DPP6: variants seen among roughly 807,000 people sequenced by gnomAD.
DPP6 encodes the protein A-type potassium channel modulatory protein DPP6.
Under a neutral mutation model 122.6 loss-of-function variants are expected in DPP6, and 69 were observed. That is an observed-to-expected ratio of 0.56 (90% CI 0.46 to 0.69). The LOEUF is 0.69. Among genes scored for constraint, DPP6 ranks in the 30% least tolerant of loss-of-function variants. The pLI is 0.00. For missense variants in DPP6, 928 were observed against 1,116.9 expected (o/e 0.83, Z 2.41); for synonymous variants, 418 against 433.1 (o/e 0.97, Z 0.43).
chr7:154,860,851 G>A (rs1214481108), intron 17 of DPP6, among the ~76,000 whole-genome samples: 4 of 152,228 alleles, frequency 2.6e-5, no homozygotes, highest in East Asian at 1.9e-4. Flanking sequence ...CATCACAGCC[G>A]TGGAGCCACC....
intron 10 of DPP6, among the ~76,000 whole-genome samples, chr7:154,780,766 A>G (rs1464538998): frequency 6.6e-6 from 1 of 152,218 alleles, no homozygotes; most frequent in Non-Finnish European, 1.5e-5. Flanking sequence ...CATGTTTTTA[A>G]ATGTGTTAAC....
intron 1 of DPP6, among the ~76,000 whole-genome samples, chr7:154,206,349 C>A (rs890582536): frequency 6.6e-6 from 1 of 152,228 alleles, no homozygotes; most frequent in African/African-American, 2.4e-5. Flanking sequence ...TGTGCACCAC[C>A]CATTCCCCTT....
In DPP6 at chr7:154,681,160, G is replaced by C. The variant is rs994560202; in HGVS notation, c.762+11719G>C. 1.6e-4 allele frequency among the ~76,000 whole-genome samples: 25 copies of C among 152,106 alleles called. 1 individual carries two copies. The highest frequency in any genetic ancestry group is 1.6e-3 in the Admixed American group (25 of 15,280). ...TAAGCCAGAACAAAATTAAGGAAAA[G>C]GTGGATGCAGGGTTAAAACCGGGCC... On this transcript the variant is annotated intron_variant, in intron 7 of 25. Coordinates refer to ENST00000377770, the MANE Select transcript of DPP6 (RefSeq NM_130797.4).
chr7:153,901,131 A>G (rs567375017), intron 1 of DPP6, among the ~76,000 whole-genome samples: 2 of 151,972 alleles, frequency 1.3e-5, no homozygotes, highest in Non-Finnish European at 2.9e-5. Context: ...TTCTTCTTCT[A>G]TATATATATA....
intron 1 of DPP6, among the ~76,000 whole-genome samples, chr7:154,082,846 C>CTTTCTT (rs1260484862): frequency 0.049 from 5,159 of 106,172 alleles, 351 homozygotes; most frequent in Middle Eastern, 0.09. Context: ...TTTTCTTTTT[C>CTTTCTT]TTTTTTTTTT....
intron 1 of DPP6, among the ~76,000 whole-genome samples, chr7:154,114,724 A>C (rs997528854): frequency 2.6e-5 from 4 of 152,156 alleles, no homozygotes; most frequent in African/African-American, 9.7e-5. Flanking sequence ...TTAATCTTCC[A>C]CCTCAGTCAA....
At chr7:154,600,231 G>T (rs148353025) in intron 5 of DPP6, among the ~76,000 whole-genome samples, 15 of 126,786 alleles carry the variant, frequency 1.2e-4, no homozygotes, top group African/African-American at 3.7e-4. Context: ...GGGTTCAAGC[G>T]ATTCTCCTGA....
intron 5 of DPP6, among the ~76,000 whole-genome samples, chr7:154,623,244 C>T (rs988537050): frequency 6.6e-6 from 1 of 152,104 alleles, no homozygotes; most frequent in Non-Finnish European, 1.5e-5. Context: ...ATGCTGTTGC[C>T]GGTGCGTTGC....
intron 1 of DPP6, among the ~76,000 whole-genome samples, chr7:154,253,194 A>G (rs1213555220): frequency 2.0e-5 from 3 of 152,160 alleles, no homozygotes; most frequent in Non-Finnish European, 4.4e-5. Context: ...TCTTCTCTAG[A>G]TTAGTTGACT....
At chr7:154,846,716 CCAGTAGA>C (rs1801972282) in intron 16 of DPP6, among the ~76,000 whole-genome samples, 1 of 152,272 alleles carries the variant, frequency 6.6e-6, no homozygotes, top group Admixed American at 6.5e-5. Flanking sequence ...TAAATATCCA[CCAGTAGA>C]CAGACAATGG....
intron 1 of DPP6, among the ~76,000 whole-genome samples, chr7:154,233,977 A>C (rs1229722554): frequency 6.6e-6 from 1 of 152,192 alleles, no homozygotes; most frequent in Non-Finnish European, 1.5e-5. Flanking sequence ...GTGAATGTTT[A>C]ATTGAGTGTG....
At chr7:153,987,707 G>A (rs1432663323) in intron 1 of DPP6, among the ~76,000 whole-genome samples, 1 of 152,082 alleles carries the variant, frequency 6.6e-6, no homozygotes, top group African/African-American at 2.4e-5. Context: ...AGAGCTGTGG[G>A]GTGCTGCAGC....
At chr7:154,290,163 GGA>G (rs1805113386) in intron 1 of DPP6, among the ~76,000 whole-genome samples, 1 of 152,176 alleles carries the variant, frequency 6.6e-6, no homozygotes, top group African/African-American at 2.4e-5. Flanking sequence ...TTTTGAGTCT[GGA>G]AGAGAATTAT....
chr7:154,114,373 T>C (rs1452598335), intron 1 of DPP6, among the ~76,000 whole-genome samples: 4 of 152,084 alleles, frequency 2.6e-5, no homozygotes, highest in African/African-American at 9.7e-5. Flanking sequence ...GCAGTGTCTA[T>C]ACCACAGGGA....
intron 3 of DPP6, among the ~76,000 whole-genome samples, chr7:154,498,193 C>A (rs1465037488): frequency 6.6e-6 from 1 of 151,974 alleles, no homozygotes; most frequent in Admixed American, 6.6e-5. Flanking sequence ...TAGAAGCAGT[C>A]GAGAACACAA....
At chr7:154,092,861 T>C (rs1441806430) in intron 1 of DPP6, 1 of 152,120 alleles carries the variant, frequency 6.6e-6, no homozygotes, top group Non-Finnish European at 1.5e-5. Flanking sequence ...ATTACAATGG[T>C]TGTCAGATGG....
intron 18 of DPP6, among the ~76,000 whole-genome samples, chr7:154,872,150 C>T (rs958150647): frequency 1.3e-5 from 2 of 152,206 alleles, no homozygotes; most frequent in African/African-American, 2.4e-5. Context: ...TGCCATGGGC[C>T]GGCACCCTCT....
intron 1 of DPP6, among the ~76,000 whole-genome samples, chr7:154,077,146 A>G (rs1475812309): frequency 6.6e-6 from 1 of 152,196 alleles, no homozygotes; most frequent in Non-Finnish European, 1.5e-5. Flanking sequence ...GAATGTTCCT[A>G]TTTGACTAAG....
chr7:154,555,650 T>A (rs1586618561), intron 4 of DPP6, among the ~76,000 whole-genome samples: 3 of 151,506 alleles, frequency 2.0e-5, no homozygotes, highest in African/African-American at 7.3e-5. Flanking sequence ...AATCCAAATG[T>A]CAAAAAAAAC....
Sources: gnomAD v4.1 joint callset for allele counts (sites outside exome capture counted in the v4.1 genomes callset) on GRCh38, gnomAD v4.1.1 for gene constraint, MANE v1.5 for transcripts, NCBI Gene and HGNC (gene_info 2026-07-23, HGNC 2026-07-21) for gene names.